The following TAFA2 variants were observed in gnomAD, a reference collection of about 807,000 sequenced individuals.
The protein encoded by TAFA2 is TAFA chemokine like family member 2, also known as chemokine-like protein TAFA-2.
A neutral mutation model predicts 18.8 loss-of-function variants in TAFA2; 7 were observed. That is an observed-to-expected ratio of 0.37 (90% CI 0.21 to 0.70). TAFA2 has a LOEUF of 0.70. Ranked by LOEUF, TAFA2 falls within the 30% of genes least tolerant of loss-of-function variation. The pLI, the probability that TAFA2 is intolerant of heterozygous loss-of-function variation, is 0.53. For synonymous variants in TAFA2, 60 were observed against 54.2 expected (o/e 1.11, Z -0.47); for missense variants, 122 against 158.1 (o/e 0.77, Z 1.23).
chr12:62,042,428 T>A (rs200368155), intron 1 of TAFA2, among the ~76,000 whole-genome samples: 2 of 74,386 alleles, frequency 2.7e-5, no homozygotes, highest in African/African-American at 9.1e-5. Context: ...TGTGTGTGTG[T>A]GCGCGTGTGT....
chr12:62,009,711 C>A (rs1004122085), intron 1 of TAFA2, among the ~76,000 whole-genome samples: 3 of 152,204 alleles, frequency 2.0e-5, no homozygotes, highest in African/African-American at 7.2e-5. Flanking sequence ...TCAGAGAATT[C>A]TATTCCTTGT....
chr12:62,101,624 C>T (rs1022364142), intron 1 of TAFA2, among the ~76,000 whole-genome samples: 16 of 152,204 alleles, frequency 1.1e-4, no homozygotes, highest in African/African-American at 3.9e-4. Context: ...CATCAGATGG[C>T]ATGTACCATC....
intron 1 of TAFA2, among the ~76,000 whole-genome samples, chr12:61,911,489 C>T (rs1237272776): frequency 1.3e-5 from 2 of 152,164 alleles, no homozygotes; most frequent in African/African-American, 4.8e-5. Context: ...TCACACAAAA[C>T]TTTAAATTAG....
chr12:61,749,357 A>G (rs551824363), intron 4 of TAFA2, among the ~76,000 whole-genome samples: 4 of 152,188 alleles, frequency 2.6e-5, no homozygotes, highest in Admixed American at 1.3e-4. Context: ...GTGGGCTTGG[A>G]TCAAGCCATG....
At chr12:62,214,054 T>C (rs1050529163) in intron 1 of TAFA2, among the ~76,000 whole-genome samples, 8 of 152,202 alleles carry the variant, frequency 5.3e-5, no homozygotes, top group Non-Finnish European at 1.2e-4. Context: ...AATGAAAGCA[T>C]GTACTTCTAA....
intron 1 of TAFA2, among the ~76,000 whole-genome samples, chr12:62,003,648 C>A (rs1210005017): frequency 3.3e-5 from 5 of 152,130 alleles, no homozygotes; most frequent in African/African-American, 1.2e-4. Flanking sequence ...CTCTACTATA[C>A]AATTTGTTTA....
At chr12:61,781,629 A>G (rs1870508769) in intron 2 of TAFA2, among the ~76,000 whole-genome samples, 1 of 151,560 alleles carries the variant, frequency 6.6e-6, no homozygotes, top group Non-Finnish European at 1.5e-5. Context: ...GCCTCAGGCA[A>G]AGCAAAAGAC....
At chr12:61,969,269 C>T (rs928197318) in intron 1 of TAFA2, among the ~76,000 whole-genome samples, 32 of 151,624 alleles carry the variant, frequency 2.1e-4, no homozygotes, top group Admixed American at 4.0e-4. Context: ...GGTTAAAAAA[C>T]GATTGTTTTA....
At chr12:62,052,841 G>A (rs538951010) in intron 1 of TAFA2, among the ~76,000 whole-genome samples, 43 of 152,288 alleles carry the variant, frequency 2.8e-4, no homozygotes, top group African/African-American at 9.9e-4. Flanking sequence ...TAAATAAAGA[G>A]TGCAAGTTTA....
intron 1 of TAFA2, among the ~76,000 whole-genome samples, chr12:62,132,549 C>T (rs1870733608): frequency 6.6e-6 from 1 of 151,922 alleles, no homozygotes; most frequent in African/African-American, 2.4e-5. Context: ...TATCTCCACA[C>T]ATTTTTTAAA....
intron 1 of TAFA2, among the ~76,000 whole-genome samples, chr12:62,202,818 G>GTTTTT (rs1191148117): frequency 1.1e-5 from 1 of 94,812 alleles, no homozygotes; most frequent in East Asian, 4.3e-4. Flanking sequence ...TAGCTGTGTG[G>GTTTTT]TTCTTTTTTT....
intron 2 of TAFA2, among the ~76,000 whole-genome samples, chr12:61,829,619 A>G (rs1386614228): frequency 6.6e-6 from 1 of 151,766 alleles, no homozygotes; most frequent in Non-Finnish European, 1.5e-5. Context: ...ATGACAGCAT[A>G]TGAATTTAAT....
Position 61,709,748 on chromosome 12 carries a change from A to G in TAFA2, c.*658T>C, listed in dbSNP as rs1836774908. On this transcript the variant is annotated 3_prime_UTR_variant, in exon 5 of 5. Transcript: ENST00000416284. ...GTTGTTAGCCTTAGGGAAATATGTC[A>G]GCTTGTCTATACATTCTTATATGAT... 6.6e-6 allele frequency: 1 copy of G among 152,152 alleles called. No individual in the cohort carries two copies. The highest frequency in any genetic ancestry group is 1.5e-5 in the Non-Finnish European group (1 of 68,000). 9.4% of individuals were successfully genotyped at this position (152,152 alleles called of 1,614,324 possible).
chr12:61,751,429 T>C (rs1447505861), intron 4 of TAFA2, among the ~76,000 whole-genome samples: 1 of 152,084 alleles, frequency 6.6e-6, no homozygotes, highest in Non-Finnish European at 1.5e-5. Context: ...GAATTTACTT[T>C]GGTTGTACTC....
intron 1 of TAFA2, among the ~76,000 whole-genome samples, chr12:62,247,738 T>C (rs1243270070): frequency 1.3e-5 from 2 of 152,226 alleles, no homozygotes; most frequent in Non-Finnish European, 2.9e-5. Context: ...ATCTATACCT[T>C]GCAGGAATAA....
chr12:61,884,702 G>A (rs1240648475), intron 1 of TAFA2, among the ~76,000 whole-genome samples: 2 of 152,020 alleles, frequency 1.3e-5, no homozygotes, highest in African/African-American at 2.4e-5. Context: ...ACAAAAGAAA[G>A]CATGACAAAA....
At chr12:61,949,967 TC>T (rs1878409983) in intron 1 of TAFA2, among the ~76,000 whole-genome samples, 1 of 152,132 alleles carries the variant, frequency 6.6e-6, no homozygotes, top group Non-Finnish European at 1.5e-5. Context: ...CTACTTTCTG[TC>T]CCATTAATTT....
chr12:62,068,736 A>G (rs1017080711), intron 1 of TAFA2, among the ~76,000 whole-genome samples: 1 of 152,180 alleles, frequency 6.6e-6, no homozygotes, highest in Non-Finnish European at 1.5e-5. Flanking sequence ...TTGACTTCAT[A>G]TAAAGGATTC....
At chr12:62,131,067 T>C (rs1870663236) in intron 1 of TAFA2, among the ~76,000 whole-genome samples, 1 of 151,858 alleles carries the variant, frequency 6.6e-6, no homozygotes, top group Admixed American at 6.6e-5. Flanking sequence ...ACCGCACTAA[T>C]GAAAAGGGAC....
Sources: allele counts gnomAD v4.1 joint callset (sites outside exome capture counted in the v4.1 genomes callset), GRCh38; gene constraint gnomAD v4.1.1; transcripts MANE v1.5; gene names NCBI Gene and HGNC (gene_info 2026-07-23, HGNC 2026-07-21).